Variants in PARD3 observed in about 807,000 individuals in gnomAD.
The protein encoded by PARD3 is partitioning defective 3 homolog.
A neutral mutation model predicts 155.4 loss-of-function variants in PARD3; 75 were observed. The ratio of observed to expected loss-of-function variants is 0.48; its 90% confidence interval spans 0.40 to 0.58. PARD3 has a LOEUF of 0.58. Among genes scored for constraint, PARD3 ranks in the 20% least tolerant of loss-of-function variants. The probability of loss-of-function intolerance (pLI) is 0.00; values close to 1 mark genes in which losing one functional copy is unlikely to be tolerated. For synonymous variants in PARD3, 576 were observed against 610.5 expected (o/e 0.94, Z 0.83); for missense variants, 1,642 against 1,721.7 (o/e 0.95, Z 0.82).
chr10:34,345,428 A>T, intron 15 of PARD3: 1 of 985,370 alleles, frequency 1.0e-6, no homozygotes, highest in Non-Finnish European at 1.2e-6. Flanking sequence ...GTAATCAGCC[A>T]GAATTTCAAT....
intron 18 of PARD3, among the ~76,000 whole-genome samples, chr10:34,334,736 C>CAAAAAAAAAA (rs5784410): frequency 7.8e-6 from 1 of 128,280 alleles, no homozygotes. Context: ...GCACAAAGTG[C>CAAAAAAAAAA]AAAAAAAAAA....
intron 2 of PARD3, among the ~76,000 whole-genome samples, chr10:34,686,857 T>A (rs1475921167): frequency 6.6e-6 from 1 of 151,944 alleles, no homozygotes; most frequent in Non-Finnish European, 1.5e-5. Flanking sequence ...GAGACCAGCT[T>A]GGCCAACATG....
Position 34,640,708 on chromosome 10 carries a change from CAAAAAAAAAA to C in PARD3, c.222+55600_222+55609del, listed in dbSNP as rs59111039. ...TGGACAACAGAGTGAGACTCCATCT[CAAAAAAAAAA>C]AAAAAAAAAAAAAAAAAAGCACTTT... On this transcript the variant is annotated intron_variant, in intron 2 of 24. Coordinates refer to ENST00000374788, the MANE Select transcript of PARD3 (RefSeq NM_001184785.2). Among the ~76,000 whole-genome samples the C allele has an allele frequency of 1.1e-3, 27 of 24,020 alleles. No homozygotes were observed. The South Asian group carries it at 0.012, about 11-fold the overall frequency. 15.8% of individuals were successfully genotyped at this position (24,020 alleles called of 152,430 possible).
At chr10:34,257,299 T>C (rs1954704141) in intron 22 of PARD3, among the ~76,000 whole-genome samples, 1 of 152,204 alleles carries the variant, frequency 6.6e-6, no homozygotes, top group Non-Finnish European at 1.5e-5. Context: ...ATTCCATCCT[T>C]ATGCAGGAGC....
chr10:34,720,657 C>T (rs2094591549), intron 1 of PARD3, among the ~76,000 whole-genome samples: 1 of 151,714 alleles, frequency 6.6e-6, no homozygotes, highest in African/African-American at 2.4e-5. Flanking sequence ...ATTAGCCGGG[C>T]GTGGTAGCAC....
intron 2 of PARD3, among the ~76,000 whole-genome samples, chr10:34,557,946 A>G (rs1564841609): frequency 6.6e-6 from 1 of 151,948 alleles, no homozygotes; most frequent in Admixed American, 6.6e-5. Context: ...TCAAAAAAAA[A>G]AAAAAAAGAA....
intron 2 of PARD3, among the ~76,000 whole-genome samples, chr10:34,578,325 G>C (rs924516952): frequency 1.3e-5 from 2 of 152,196 alleles, no homozygotes; most frequent in East Asian, 3.9e-4. Flanking sequence ...CCAAGCATGC[G>C]AGCGTTGTTT....
chr10:34,694,715 C>G (rs2094133955), intron 2 of PARD3, among the ~76,000 whole-genome samples: 1 of 152,058 alleles, frequency 6.6e-6, no homozygotes, highest in Non-Finnish European at 1.5e-5. Flanking sequence ...GTATTCCTGA[C>G]CCACAGGAGC....
Position 34,154,437 on chromosome 10 carries a change from TTAA to T in PARD3, c.3420-22857_3420-22855del, listed in dbSNP as rs547192551. Among the ~76,000 whole-genome samples the T allele has an allele frequency of 4.2e-3, 643 of 152,308 alleles. 4 individuals carry two copies. The highest frequency in any genetic ancestry group is 4.7e-3 in the Non-Finnish European group (321 of 68,032). ...GCAGCTTTCCTGGCAACAGACTCAC[TTAA>T]TGATGCCTGGAATGAAGCCTGCTTG... On this transcript the variant is annotated intron_variant, in intron 22 of 24. Coordinates refer to ENST00000374788, the MANE Select transcript of PARD3 (RefSeq NM_001184785.2).
rs983225707 is a variant in PARD3 at position 34,197,266 on chromosome 10, T to A, written c.3420-65683A>T. ...TGCTTCTCAAGATTGAGTTGGCTTC[T>A]GAGTATTCACAGATGCTCTTCATGT... On this transcript the variant is annotated intron_variant, in intron 22 of 24. Transcript: ENST00000374788. Among the ~76,000 whole-genome samples, 32 of 152,210 alleles carry A rather than the reference T, an allele frequency of 2.1e-4. 1 individual carries two copies. The highest frequency in any genetic ancestry group is 1.0e-4 in the Non-Finnish European group (7 of 68,034).
At chr10:34,551,190 A>C (rs1490426348) in intron 2 of PARD3, among the ~76,000 whole-genome samples, 1 of 152,172 alleles carries the variant, frequency 6.6e-6, no homozygotes, top group East Asian at 1.9e-4. Flanking sequence ...AATTTTGCAC[A>C]TCCGTATGTC....
At chr10:34,781,810 T>C (rs1166877254) in intron 1 of PARD3, among the ~76,000 whole-genome samples, 1 of 152,206 alleles carries the variant, frequency 6.6e-6, no homozygotes, top group Non-Finnish European at 1.5e-5. Context: ...GACAGCCAAA[T>C]GCCTGAACCA....
At chr10:34,176,566 C>T (rs1338133946) in intron 22 of PARD3, among the ~76,000 whole-genome samples, 2 of 152,140 alleles carry the variant, frequency 1.3e-5, no homozygotes, top group African/African-American at 4.8e-5. Context: ...GTGGTGTTGA[C>T]TTTGTCTCTG....
At chr10:34,698,860 T>C (rs1043707962) in intron 1 of PARD3, among the ~76,000 whole-genome samples, 7 of 152,236 alleles carry the variant, frequency 4.6e-5, no homozygotes, top group Admixed American at 1.3e-4. Context: ...ATACCAATTC[T>C]TTGATGATCT....
intron 2 of PARD3, among the ~76,000 whole-genome samples, chr10:34,643,521 C>T (rs1057372996): frequency 6.6e-6 from 1 of 152,246 alleles, no homozygotes; most frequent in African/African-American, 2.4e-5. Flanking sequence ...TCAAGGCCTT[C>T]TGTAATTGTT....
intron 22 of PARD3, among the ~76,000 whole-genome samples, chr10:34,142,188 C>G (rs1948222140): frequency 6.6e-6 from 1 of 152,030 alleles, no homozygotes; most frequent in Non-Finnish European, 1.5e-5. Context: ...TAGATTTAAG[C>G]AAGTAAAAGA....
chr10:34,789,898 CAATT>C (rs1271172021), intron 1 of PARD3, among the ~76,000 whole-genome samples: 2 of 152,084 alleles, frequency 1.3e-5, no homozygotes, highest in Admixed American at 6.6e-5. Flanking sequence ...TTATTATAAA[CAATT>C]AAAGCTTAAC....
At chr10:34,128,386 T>G (rs942572778) in intron 23 of PARD3, among the ~76,000 whole-genome samples, 1 of 152,248 alleles carries the variant, frequency 6.6e-6, no homozygotes, top group African/African-American at 2.4e-5. Context: ...TGTTCTCTTC[T>G]TTATGATTTT....
At chr10:34,579,573 T>TGTGTGC (rs1284203439) in intron 2 of PARD3, among the ~76,000 whole-genome samples, 1 of 73,306 alleles carries the variant, frequency 1.4e-5, no homozygotes, top group East Asian at 5.1e-4. Context: ...TGTGTGTGTG[T>TGTGTGC]GTGTGTGTGT....
Sources: gnomAD v4.1 joint callset for allele counts (sites outside exome capture counted in the v4.1 genomes callset) on GRCh38, gnomAD v4.1.1 for gene constraint, MANE v1.5 for transcripts, NCBI Gene and HGNC (gene_info 2026-07-23, HGNC 2026-07-21) for gene names.